SEPTIN14: variants seen among roughly 807,000 people sequenced by gnomAD.
The protein encoded by SEPTIN14 is septin-14.
SEPTIN14 carries 40 observed loss-of-function variants against 53.6 expected under a neutral mutation model. The ratio of observed to expected loss-of-function variants is 0.75; its 90% confidence interval spans 0.58 to 0.97. SEPTIN14 has a LOEUF of 0.97. Among genes scored for constraint, SEPTIN14 ranks in the 50% least tolerant of loss-of-function variants. The pLI is 0.00. For synonymous variants in SEPTIN14, 138 were observed against 166.8 expected (o/e 0.83, Z 1.33); for missense variants, 471 against 508.2 (o/e 0.93, Z 0.70).
At chr7:55,807,479 C>T (rs1788628369) in intron 7 of SEPTIN14, among the ~76,000 whole-genome samples, 2 of 152,136 alleles carry the variant, frequency 1.3e-5, no homozygotes, top group African/African-American at 4.8e-5. Flanking sequence ...TTGCTTTAAA[C>T]TTATTACCTG....
At position 55,796,952 on chromosome 7, in the gene SEPTIN14, G is replaced by A. The variant is rs544726833; in HGVS notation, c.1120-860C>T. On this transcript the variant is annotated intron_variant, in intron 9 of 9. Transcript: ENST00000388975. Reference sequence around the variant, plus strand: ...AGCCTGGCCAACATAGTGAAACCCCGTCTCTACTAAAAATACAAAAAGTAG... The same window carrying A: ...AGCCTGGCCAACATAGTGAAACCCCATCTCTACTAAAAATACAAAAAGTAG... Among the ~76,000 whole-genome samples, 128 of 152,004 alleles carry A rather than the reference G, an allele frequency of 8.4e-4. 1 individual carries two copies. Among genetic ancestry groups the A allele is most frequent in the African/African-American group, 2.4e-3 (100 of 41,480 alleles).
rs1205375932 is a variant in SEPTIN14, at chr7:55,815,706, G to A, written c.817+3421C>T. 5.9e-5 allele frequency among the ~76,000 whole-genome samples: 9 copies of A among 152,226 alleles called. No homozygotes were observed. The East Asian group carries it at 1.7e-3, about 29-fold the overall frequency. The stretch of plus-strand genomic sequence containing the variant: ...CAAAAGACAGGCAATAACAAATGCT[G>A]GTGAGGATGTGGAGAAAAAGGAATC... On this transcript the variant is annotated intron_variant, in intron 7 of 9. Coordinates refer to ENST00000388975, the MANE Select transcript of SEPTIN14 (RefSeq NM_207366.3).
intron 2 of SEPTIN14, among the ~76,000 whole-genome samples, chr7:55,851,991 A>T (rs1789524502): frequency 6.6e-6 from 1 of 151,966 alleles, no homozygotes; most frequent in Non-Finnish European, 1.5e-5. Flanking sequence ...AAATACAAAA[A>T]ATTAGCCAGG....
chr7:55,809,902 G>A (rs1414266813), intron 7 of SEPTIN14, among the ~76,000 whole-genome samples: 5 of 146,182 alleles, frequency 3.4e-5, no homozygotes, highest in Non-Finnish European at 6.0e-5. Flanking sequence ...GCGCAATCTC[G>A]GCTCACTGCA....
intron 6 of SEPTIN14, among the ~76,000 whole-genome samples, chr7:55,832,202 A>AACACACACACAC (rs112349116): frequency 4.1e-5 from 6 of 145,006 alleles, no homozygotes; most frequent in African/African-American, 1.5e-4. Flanking sequence ...CTCTGTCTCA[A>AACACACACACAC]ACACACACAC....
At chr7:55,844,425 AAGAAAAGGT>A in intron 4 of SEPTIN14, 89 bp downstream of exon 4, 1 of 537,212 alleles carries the variant, frequency 1.9e-6, no homozygotes, top group Non-Finnish European at 3.2e-6. Flanking sequence ...TAAAATCTGG[AAGAAAAGGT>A]ATTACTTACA....
At chr7:55,814,760 A>G (rs1788763953) in intron 7 of SEPTIN14, among the ~76,000 whole-genome samples, 1 of 152,220 alleles carries the variant, frequency 6.6e-6, no homozygotes, top group African/African-American at 2.4e-5. Flanking sequence ...TGCGATCCCT[A>G]TCAAAATACC....
rs142269697 is a variant in SEPTIN14 at position 55,859,526 on chromosome 7, C to G, written c.54+2417G>C. 5.5e-3 allele frequency among the ~76,000 whole-genome samples: 830 copies of G among 152,230 alleles called. 6 individuals carry two copies. The highest frequency in any genetic ancestry group is 1.0e-2 in the Non-Finnish European group (679 of 67,996). Reference sequence around the variant, plus strand: ...ATAGCTTTGTAATATAATTTTAAATCAGGATGTGTGATGCTCTGTGTTCAT... The same window carrying G: ...ATAGCTTTGTAATATAATTTTAAATGAGGATGTGTGATGCTCTGTGTTCAT... On this transcript the variant is annotated intron_variant, in intron 2 of 9. Coordinates refer to ENST00000388975, the MANE Select transcript of SEPTIN14 (RefSeq NM_207366.3).
chr7:55,795,590 C>T lies in SEPTIN14; in HGVS notation c.*323G>A. On this transcript the variant is annotated 3_prime_UTR_variant, in exon 10 of 10. Coordinates refer to ENST00000388975, the MANE Select transcript of SEPTIN14 (RefSeq NM_207366.3). The stretch of plus-strand genomic sequence containing the variant: ...TCAAGTGATTCTCCTGCCTCAGCCT[C>T]CCAAGTGGCTGGGATTACAGGTACC... 3.4e-6 allele frequency: 1 copy of T among 293,654 alleles called. No individual in the cohort carries two copies. The highest frequency in any genetic ancestry group is 6.5e-6 in the Non-Finnish European group (1 of 154,534). The allele number at this position is 293,654 out of a possible 1,614,324, so 18.2% of individuals were successfully genotyped here. A position where few individuals can be genotyped will look rare whatever the true frequency, so the allele number is the denominator to read the frequency against.
chr7:55,846,962 C>T (rs1164998536), intron 2 of SEPTIN14, among the ~76,000 whole-genome samples: 4 of 151,952 alleles, frequency 2.6e-5, no homozygotes, highest in East Asian at 1.9e-4. Flanking sequence ...CTGAGGCAGG[C>T]GGATCATGAG....
chr7:55,832,020 G>T (rs1481868895), intron 6 of SEPTIN14, among the ~76,000 whole-genome samples: 1 of 152,094 alleles, frequency 6.6e-6, no homozygotes, highest in African/African-American at 2.4e-5. Context: ...TGACCAATAT[G>T]GTTAAACCCC....
chr7:55,831,099 T>G (rs1389944723), intron 6 of SEPTIN14, among the ~76,000 whole-genome samples: 1 of 152,028 alleles, frequency 6.6e-6, no homozygotes, highest in Non-Finnish European at 1.5e-5. Flanking sequence ...AGCATTCAAA[T>G]AGCCAAAGTA....
intron 7 of SEPTIN14, among the ~76,000 whole-genome samples, chr7:55,818,188 G>A (rs79081491): frequency 0.036 from 5,514 of 151,956 alleles, 140 homozygotes; most frequent in South Asian, 0.057. Flanking sequence ...AACATCATTT[G>A]AGGCTGGACA....
rs188283065 is a variant in SEPTIN14 at position 55,848,897 on chromosome 7, G to C, written c.55-2260C>G. 9.9e-4 allele frequency among the ~76,000 whole-genome samples: 151 copies of C among 152,048 alleles called. 2 individuals carry two copies. The highest frequency in any genetic ancestry group is 3.5e-3 in the African/African-American group (144 of 41,502). ...GCTGGGATTACAGGCATGAGCCACC[G>C]CGCCTGGCCTACTAATAGAGATTTT... is the stretch of plus-strand genomic sequence containing the variant. On this transcript the variant is annotated intron_variant, in intron 2 of 9. Coordinates refer to ENST00000388975, the MANE Select transcript of SEPTIN14 (RefSeq NM_207366.3).
At position 55,857,171 on chromosome 7, in the gene SEPTIN14, G is replaced by A. The variant is rs1202070257; in HGVS notation, c.54+4772C>T. Among the ~76,000 whole-genome samples the A allele has an allele frequency of 2.0e-5, 3 of 151,356 alleles. No individual in the cohort carries two copies. In the Admixed American group the frequency reaches 2.0e-4, roughly 10 times the overall value. Reference sequence around the variant, plus strand: ...GCGGATCACCTGAGGTCGGGAGTTTGAGACCAGCCTGACCAACATGGTGAA... The same window carrying A: ...GCGGATCACCTGAGGTCGGGAGTTTAAGACCAGCCTGACCAACATGGTGAA... On this transcript the variant is annotated intron_variant, in intron 2 of 9. Coordinates refer to ENST00000388975, the MANE Select transcript of SEPTIN14 (RefSeq NM_207366.3).
Position 55,807,147 on chromosome 7 carries a change from T to C in SEPTIN14, c.929A>G (p.Tyr310Cys), listed in dbSNP as rs191038881. 10 of 1,607,798 alleles carry C rather than the reference T, an allele frequency of 6.2e-6. No individual in the cohort carries two copies. Among genetic ancestry groups the C allele is most frequent in the African/African-American group, 2.7e-5 (2 of 74,576 alleles). Residue 310 changes from tyrosine to cysteine, a missense_variant, in exon 8 of 10, where the codon TAC becomes TGC. Transcript: ENST00000388975. Reference protein sequence around the residue: ...THTQHYECYRYQKLQKMGFTD... With the variant: ...THTQHYECYRCQKLQKMGFTD... ...AAAGCCCATTTTCTGCAGTTTTTGG[T>C]ACCTATAACATTCATAGTGCTGAGT...
intron 6 of SEPTIN14, among the ~76,000 whole-genome samples, chr7:55,828,766 A>G (rs1368726257): frequency 1.3e-5 from 2 of 152,010 alleles, no homozygotes; most frequent in Non-Finnish European, 2.9e-5. Flanking sequence ...CTTTCAGAGT[A>G]TTTTCCTTCA....
At chr7:55,813,339 A>G (rs1788737847) in intron 7 of SEPTIN14, among the ~76,000 whole-genome samples, 1 of 152,114 alleles carries the variant, frequency 6.6e-6, no homozygotes, top group South Asian at 2.1e-4. Flanking sequence ...CTCCACCACT[A>G]GTTAATTAAA....
intron 6 of SEPTIN14, among the ~76,000 whole-genome samples, chr7:55,827,088 A>G (rs141255774): frequency 6.6e-6 from 1 of 152,314 alleles, no homozygotes; most frequent in African/African-American, 2.4e-5. Flanking sequence ...GTACTTATGC[A>G]TGCCATCCAG....
Sources: allele counts gnomAD v4.1 joint callset (sites outside exome capture counted in the v4.1 genomes callset), GRCh38; gene constraint gnomAD v4.1.1; transcripts MANE v1.5; gene names NCBI Gene and HGNC (gene_info 2026-07-23, HGNC 2026-07-21).